The following CDK5RAP2 variants were observed in gnomAD, a reference collection of about 807,000 sequenced individuals.
CDK5RAP2 encodes the protein CDK5 regulatory subunit-associated protein 2.
A neutral mutation model predicts 232.9 loss-of-function variants in CDK5RAP2; 147 were observed. The observed-to-expected ratio is 0.63, with a 90% CI of 0.55 to 0.72. The LOEUF (loss-of-function observed/expected upper bound fraction) is 0.72. Ranked by LOEUF, CDK5RAP2 falls within the 30% of genes least tolerant of loss-of-function variation. CDK5RAP2 has a pLI of 0.00. For synonymous variants in CDK5RAP2, 833 were observed against 833.7 expected (o/e 1.00, Z 0.01); for missense variants, 2,195 against 2,231.5 (o/e 0.98, Z 0.33).
At chr9:120,409,047 G>T in intron 30 of CDK5RAP2, 80 bp downstream of exon 30, 1 of 1,353,236 alleles carries the variant, frequency 7.4e-7, no homozygotes, top group Non-Finnish European at 1.0e-6. Flanking sequence ...GCAGAGGCCT[G>T]CGTGCTGATT....
intron 14 of CDK5RAP2, among the ~76,000 whole-genome samples, chr9:120,485,293 C>CTTTTTTTTTT (rs111411839): frequency 7.6e-6 from 1 of 132,364 alleles, no homozygotes; most frequent in Non-Finnish European, 1.6e-5. Flanking sequence ...CATTTAGATA[C>CTTTTTTTTTT]TTTTTTTTTT....
chr9:120,407,819 A>C lies in CDK5RAP2; in HGVS notation c.4726+528T>G, dbSNP rs3824531. The C allele has an allele frequency of 8.6e-3, 1,788 of 207,512 alleles. 91 individuals carry two copies. Among genetic ancestry groups the C allele is most frequent in the Admixed American group, 0.07 (1,341 of 19,034 alleles). 12.9% of individuals were successfully genotyped at this position (207,512 alleles called of 1,614,324 possible). On this transcript the variant is annotated intron_variant, in intron 31 of 37. Coordinates refer to ENST00000349780, the MANE Select transcript of CDK5RAP2 (RefSeq NM_018249.6). ...TATCTCTCCTGGGATACAGAGAGCA[A>C]CGAGGCCAACAACCATCCCCAGAGC...
chr9:120,399,624 C>T lies in CDK5RAP2; in HGVS notation c.5451+1118G>A, dbSNP rs2131250069. 2.0e-5 allele frequency among the ~76,000 whole-genome samples: 3 copies of T among 152,320 alleles called. No individual in the cohort carries two copies. The South Asian group carries it at 6.2e-4, about 32-fold the overall frequency. Reference sequence around the variant, plus strand: ...GGGACACTCCAGGCAGTCAGGCCATCTGTGTCACCTAAGCCTAAGATGGAA... The same window carrying T: ...GGGACACTCCAGGCAGTCAGGCCATTTGTGTCACCTAAGCCTAAGATGGAA... On this transcript the variant is annotated intron_variant, in intron 35 of 37. Coordinates refer to ENST00000349780, the MANE Select transcript of CDK5RAP2 (RefSeq NM_018249.6).
intron 7 of CDK5RAP2, among the ~76,000 whole-genome samples, chr9:120,531,655 A>G (rs987680287): frequency 6.6e-6 from 1 of 152,226 alleles, no homozygotes; most frequent in African/African-American, 2.4e-5. Flanking sequence ...ATTTTGTCAG[A>G]AGACCCTCAG....
chr9:120,457,604 G>GT (rs1423741208), intron 20 of CDK5RAP2, among the ~76,000 whole-genome samples: 1 of 152,158 alleles, frequency 6.6e-6, no homozygotes, highest in Admixed American at 6.5e-5. Context: ...CTTCAATCCC[G>GT]TTTTTTAGCT....
intron 1 of CDK5RAP2, among the ~76,000 whole-genome samples, chr9:120,578,566 T>G (rs907134456): frequency 1.9e-4 from 15 of 78,298 alleles, no homozygotes; most frequent in Non-Finnish European, 4.1e-4. Context: ...TATTTTCACT[T>G]TCCTTTTTTT....
chr9:120,572,104 G>A (rs1362654323), intron 1 of CDK5RAP2, 63 bp from the exon 2 acceptor site: 44 of 1,227,598 alleles, frequency 3.6e-5, no homozygotes, highest in Middle Eastern at 1.9e-4. Context: ...CTGTTAAGAC[G>A]GTCTGGACTG....
chr9:120,533,430 A>G (rs1044999391), intron 7 of CDK5RAP2, among the ~76,000 whole-genome samples: 1 of 152,094 alleles, frequency 6.6e-6, no homozygotes, highest in Non-Finnish European at 1.5e-5. Context: ...CCCTCCACCC[A>G]AAAACATTTC....
rs773694281 is a variant in CDK5RAP2 at position 120,453,688 on chromosome 9, T to G, written c.2561A>C (p.Glu854Ala). Residue 854 changes from glutamate (E) to alanine (A), a missense_variant, in exon 21 of 38, where the codon GAG (glutamate) becomes GCG (alanine). Coordinates refer to ENST00000349780, the MANE Select transcript of CDK5RAP2 (RefSeq NM_018249.6). ...TTCGCCTGCCTTTACTAGCTGGGCC[T>G]CACAAGACAACTTCAGTTCATCATG... is the stretch of plus-strand genomic sequence containing the variant. ...KPHDELKLSC[E>A]AQLVKAGEVP... 9.3e-6 allele frequency: 15 copies of G among 1,614,116 alleles called. No individual in the cohort carries two copies. In the Middle Eastern group the frequency reaches 4.9e-4, roughly 53 times the overall value.
At chr9:120,534,402 A>G (rs545052547) in intron 7 of CDK5RAP2, among the ~76,000 whole-genome samples, 46 of 152,096 alleles carry the variant, frequency 3.0e-4, no homozygotes, top group Non-Finnish European at 4.6e-4. Flanking sequence ...TGAATTAGAT[A>G]TATGTTAACC....
At chr9:120,502,768 C>T (rs892022412) in intron 12 of CDK5RAP2, among the ~76,000 whole-genome samples, 5 of 152,078 alleles carry the variant, frequency 3.3e-5, no homozygotes, top group African/African-American at 9.7e-5. Context: ...CATTTGCGGT[C>T]GGGGGTCAGG....
At chr9:120,456,004 C>A (rs1044418362) in intron 20 of CDK5RAP2, among the ~76,000 whole-genome samples, 8 of 151,810 alleles carry the variant, frequency 5.3e-5, no homozygotes, top group Non-Finnish European at 2.9e-5. Flanking sequence ...AGAGAATTCA[C>A]AATTGAGGAA....
At position 120,453,749 on chromosome 9, in the gene CDK5RAP2, C is replaced by A. The variant is rs757073311; in HGVS notation, c.2500G>T (p.Val834Leu). Residue 834 changes from valine to leucine, a missense_variant, in exon 21 of 38, where the codon GTA becomes TTA. Val to Leu is a conservative substitution (Grantham distance 32). Coordinates refer to ENST00000349780, the MANE Select transcript of CDK5RAP2 (RefSeq NM_018249.6). ...EKTPKQKGEL[V>L]HFVQTNSFSK... ...AATGAGTTGGTTTGGACAAAATGTACAAGTTCACCTTTTTGCTTAGGTGTC... is the reference window on the plus strand; with the variant it reads ...AATGAGTTGGTTTGGACAAAATGTAAAAGTTCACCTTTTTGCTTAGGTGTC... 2 of 1,614,222 alleles carry A rather than the reference C, an allele frequency of 1.2e-6. No homozygotes were observed. Among genetic ancestry groups the A allele is most frequent in the South Asian group, 2.2e-5 (2 of 91,086 alleles).
intron 12 of CDK5RAP2, chr9:120,517,671 C>G (rs1214806150): frequency 6.5e-6 from 1 of 153,926 alleles, no homozygotes; most frequent in East Asian, 1.9e-4. Context: ...CTAGAGAAAC[C>G]TGATATAATC....
At position 120,400,786 on chromosome 9, in the gene CDK5RAP2, C is replaced by G; in HGVS notation, c.5407G>C (p.Val1803Leu). The G allele has an allele frequency of 6.2e-7, 1 of 1,614,146 alleles. No individual in the cohort carries two copies. The highest frequency in any genetic ancestry group is 8.5e-7 in the Non-Finnish European group (1 of 1,180,036). Residue 1803 changes from valine (V) to leucine (L), a missense_variant, in exon 35 of 38, where the codon GTC becomes CTC. Physicochemically the swap from Val to Leu is conservative, Grantham distance 32 (BLOSUM62 1). Coordinates refer to ENST00000349780, the MANE Select transcript of CDK5RAP2 (RefSeq NM_018249.6). ...CACTGGCCATCCTCGGGGAGTGAGA[C>G]TCTCCAGAGAAGCTTCAGCCGCCTG... ...AYRRLKLLWR[V>L]SLPEDGQCPL...
At chr9:120,489,877 G>A (rs946956008) in intron 13 of CDK5RAP2, among the ~76,000 whole-genome samples, 45 of 150,188 alleles carry the variant, frequency 3.0e-4, no homozygotes, top group African/African-American at 7.9e-4. Flanking sequence ...GCACAATCTC[G>A]GCTCACCGCA....
At chr9:120,514,954 A>C (rs1207975874) in intron 12 of CDK5RAP2, among the ~76,000 whole-genome samples, 1 of 152,208 alleles carries the variant, frequency 6.6e-6, no homozygotes, top group Non-Finnish European at 1.5e-5. Flanking sequence ...TACCTAAGAA[A>C]ATTACAGTAT....
rs146763491 is a variant in CDK5RAP2 at position 120,411,437 on chromosome 9, A to G, written c.4335T>C (p.His1445=). 159 of 1,613,140 alleles carry G rather than the reference A, an allele frequency of 9.9e-5. No homozygotes were observed. Among genetic ancestry groups the G allele is most frequent in the Non-Finnish European group, 1.3e-4 (155 of 1,179,268 alleles). The change falls in exon 29 of 38, where the codon CAT becomes CAC. Residue 1445 remains histidine (H), a synonymous_variant. Transcript: ENST00000349780. The stretch of plus-strand genomic sequence containing the variant: ...AATGAATTTCTGATGTTAGAGAACT[A>G]TGAAGCTCTGAACCAGAAGCAAAAA... The part of the protein sequence containing the change: ...TSIFASGSEL[H]SSLTSEIHFL...
intron 2 of CDK5RAP2, among the ~76,000 whole-genome samples, chr9:120,568,652 A>G (rs1564388415): frequency 6.6e-6 from 1 of 152,242 alleles, no homozygotes; most frequent in Admixed American, 6.5e-5. Flanking sequence ...TTTGCAAAGC[A>G]GACTGTCCTG....
Sources: allele counts gnomAD v4.1 joint callset (sites outside exome capture counted in the v4.1 genomes callset), GRCh38; gene constraint gnomAD v4.1.1; transcripts MANE v1.5; gene names NCBI Gene and HGNC (gene_info 2026-07-23, HGNC 2026-07-21).